Variants in GALNT13 observed in about 807,000 individuals in gnomAD.
GALNT13 encodes UDP-GalNAc:polypeptide N-acetylgalactosaminyltransferase 13.
GALNT13 carries 28 observed loss-of-function variants against 64.2 expected under a neutral mutation model. The observed-to-expected ratio is 0.44, with a 90% CI of 0.32 to 0.60. The LOEUF (loss-of-function observed/expected upper bound fraction) is 0.60, where lower values mean the gene tolerates loss of function less well. GALNT13 is among the 20% of genes least tolerant of loss of function. The probability of loss-of-function intolerance (pLI) is 0.05; values close to 1 mark genes in which losing one functional copy is unlikely to be tolerated. For synonymous variants in GALNT13, 214 were observed against 224.6 expected (o/e 0.95, Z 0.42); for missense variants, 577 against 669.8 (o/e 0.86, Z 1.53).
At chr2:153,747,502 G>C in the GALNT13 span, among the ~76,000 whole-genome samples, 1 of 143,518 alleles carries the variant, frequency 7.0e-6, no homozygotes, top group African/African-American at 2.6e-5. Flanking sequence ...ATCTTGGGTC[G>C]CTGCAATCTC....
the GALNT13 span, among the ~76,000 whole-genome samples, chr2:153,797,337 A>G: frequency 2.6e-5 from 4 of 152,234 alleles, no homozygotes; most frequent in Non-Finnish European, 5.9e-5. Flanking sequence ...AAATGGTTAG[A>G]AAGAATGACT....
chr2:153,559,111 A>G, the GALNT13 span, among the ~76,000 whole-genome samples: 1 of 152,218 alleles, frequency 6.6e-6, no homozygotes, highest in Non-Finnish European at 1.5e-5. Flanking sequence ...TATATACATG[A>G]GTATGGACCG....
the GALNT13 span, among the ~76,000 whole-genome samples, chr2:153,184,586 G>T: frequency 6.6e-6 from 1 of 152,160 alleles, no homozygotes; most frequent in Non-Finnish European, 1.5e-5. Context: ...CATTCAGTAC[G>T]ATGTTGGTTG....
At chr2:153,493,716 A>C in the GALNT13 span, among the ~76,000 whole-genome samples, 1 of 152,020 alleles carries the variant, frequency 6.6e-6, no homozygotes, top group Admixed American at 6.5e-5. Context: ...TATTCTTATG[A>C]ATATAGATAT....
At chr2:153,466,615 T>G in the GALNT13 span, among the ~76,000 whole-genome samples, 1 of 152,068 alleles carries the variant, frequency 6.6e-6, no homozygotes, top group Non-Finnish European at 1.5e-5. Context: ...AAGTTCACTA[T>G]TTTTGGCATC....
intron 4 of GALNT13, among the ~76,000 whole-genome samples, chr2:154,204,898 T>C (rs1687357276): frequency 6.6e-6 from 1 of 152,234 alleles, no homozygotes; most frequent in Admixed American, 6.5e-5. Flanking sequence ...CACAAGTCTC[T>C]GTCTTAGTGT....
At chr2:153,922,035 G>A (rs1319948087) in intron 2 of GALNT13, among the ~76,000 whole-genome samples, 1 of 152,130 alleles carries the variant, frequency 6.6e-6, no homozygotes, top group Non-Finnish European at 1.5e-5. Flanking sequence ...AAAAATCCAT[G>A]TATCGGTTAG....
chr2:153,669,873 G>T, the GALNT13 span, among the ~76,000 whole-genome samples: 2 of 151,752 alleles, frequency 1.3e-5, no homozygotes, highest in East Asian at 3.9e-4. Flanking sequence ...ATTCCCTCCT[G>T]TGCCTGGCTC....
At chr2:154,243,044 C>A (rs1403915790) in intron 6 of GALNT13, 139 bp downstream of exon 6, 2 of 640,772 alleles carry the variant, frequency 3.1e-6, no homozygotes, top group Non-Finnish European at 5.3e-6. Context: ...CACGTTTTCC[C>A]ACTTGCTTGA....
chr2:153,416,017 A>G, the GALNT13 span, among the ~76,000 whole-genome samples: 6 of 152,230 alleles, frequency 3.9e-5, no homozygotes, highest in Admixed American at 6.5e-5. Flanking sequence ...TAAATAAACA[A>G]GCCTACCACT....
chr2:154,089,505 C>T (rs1444003076), intron 3 of GALNT13, among the ~76,000 whole-genome samples: 1 of 152,014 alleles, frequency 6.6e-6, no homozygotes, highest in Non-Finnish European at 1.5e-5. Context: ...GACCTCTCAG[C>T]CATTGTTGCC....
intron 9 of GALNT13, among the ~76,000 whole-genome samples, chr2:154,361,640 C>T (rs1188649256): frequency 6.6e-6 from 1 of 151,962 alleles, no homozygotes; most frequent in Admixed American, 6.6e-5. Context: ...AGTGCTTAGC[C>T]CATTTCTGTC....
At chr2:153,434,077 G>A in the GALNT13 span, among the ~76,000 whole-genome samples, 4 of 152,098 alleles carry the variant, frequency 2.6e-5, no homozygotes, top group African/African-American at 9.7e-5. Flanking sequence ...AGAACATGCG[G>A]TGTTTGGTTT....
intron 3 of GALNT13, among the ~76,000 whole-genome samples, chr2:154,111,664 T>C (rs1191530988): frequency 2.0e-5 from 3 of 152,272 alleles, no homozygotes; most frequent in Admixed American, 2.0e-4. Context: ...GTGGTCCCAC[T>C]TCCACTTCCA....
intron 4 of GALNT13, among the ~76,000 whole-genome samples, chr2:154,229,614 A>T (rs920393488): frequency 6.6e-6 from 1 of 152,092 alleles, no homozygotes; most frequent in Non-Finnish European, 1.5e-5. Flanking sequence ...GGAATAGTTG[A>T]ATGCCAATGG....
intron 3 of GALNT13, among the ~76,000 whole-genome samples, chr2:154,094,185 C>A (rs1701961397): frequency 6.6e-6 from 1 of 151,950 alleles, no homozygotes; most frequent in Non-Finnish European, 1.5e-5. Context: ...TTAAAGCCAA[C>A]TGGACAAGGT....
the GALNT13 span, chr2:153,449,904 T>G: frequency 6.6e-6 from 1 of 152,208 alleles, no homozygotes; most frequent in Non-Finnish European, 1.5e-5. Flanking sequence ...CCTAATCACC[T>G]CTTAAAGGCC....
At chr2:153,809,449 C>T in the GALNT13 span, among the ~76,000 whole-genome samples, 9 of 152,126 alleles carry the variant, frequency 5.9e-5, no homozygotes, top group Non-Finnish European at 2.9e-5. Context: ...AACATCATGT[C>T]CTAATACATC....
chr2:153,651,411 G>A, the GALNT13 span, among the ~76,000 whole-genome samples: 1 of 152,150 alleles, frequency 6.6e-6, no homozygotes, highest in African/African-American at 2.4e-5. Context: ...CATTGTGATT[G>A]AATGAACAAA....
Sources: allele counts gnomAD v4.1 joint callset (sites outside exome capture counted in the v4.1 genomes callset), GRCh38; gene constraint gnomAD v4.1.1; transcripts MANE v1.5; gene names NCBI Gene and HGNC (gene_info 2026-07-23, HGNC 2026-07-21).